Variants in SND1 observed in about 807,000 individuals in gnomAD.
The protein encoded by SND1 is staphylococcal nuclease and tudor domain containing 1.
A neutral mutation model predicts 121.7 loss-of-function variants in SND1; 38 were observed. That is an observed-to-expected ratio of 0.31 (90% confidence interval 0.24 to 0.41). The LOEUF is 0.41. Ranked by LOEUF, SND1 falls within the 10% of genes least tolerant of loss-of-function variation. The pLI, the probability that SND1 is intolerant of heterozygous loss-of-function variation, is 1.00. For synonymous variants in SND1, 401 were observed against 447.4 expected, an observed-to-expected ratio of 0.90 and a Z score of 1.31; for missense variants, 868 against 1,184.6, an observed-to-expected ratio of 0.73 and a Z score of 3.92.
At chr7:127,799,358 C>T (rs1166995705) in intron 10 of SND1, among the ~76,000 whole-genome samples, 4 of 152,222 alleles carry the variant, frequency 2.6e-5, no homozygotes, top group Non-Finnish European at 4.4e-5. Flanking sequence ...AAAGGGGGAT[C>T]ATGATCCTTA....
intron 15 of SND1, among the ~76,000 whole-genome samples, chr7:127,938,140 C>T (rs1801101140): frequency 6.6e-6 from 1 of 152,162 alleles, no homozygotes; most frequent in Admixed American, 6.5e-5. Flanking sequence ...ATGAGACTTT[C>T]CTGGAGCTGC....
intron 10 of SND1, among the ~76,000 whole-genome samples, chr7:127,767,348 G>C (rs1384137213): frequency 6.6e-6 from 1 of 152,144 alleles, no homozygotes; most frequent in Non-Finnish European, 1.5e-5. Flanking sequence ...TGGTCTTCCT[G>C]TTTTGTTTCA....
intron 9 of SND1, among the ~76,000 whole-genome samples, chr7:127,717,105 A>AATTT (rs1796404797): frequency 1.3e-5 from 2 of 152,356 alleles, no homozygotes; most frequent in South Asian, 4.1e-4. Context: ...TTACAGAAAA[A>AATTT]TTAAGCAGGT....
chr7:127,920,664 C>T (rs1800683661), intron 14 of SND1, among the ~76,000 whole-genome samples: 1 of 152,098 alleles, frequency 6.6e-6, no homozygotes, highest in African/African-American at 2.4e-5. Flanking sequence ...TGGCAGCCCT[C>T]ATCACCTGGC....
chr7:127,923,535 C>T (rs538706964), intron 14 of SND1, among the ~76,000 whole-genome samples: 8 of 152,300 alleles, frequency 5.3e-5, no homozygotes, highest in South Asian at 2.1e-4. Context: ...ATCCTCCCCC[C>T]GCAGGGTTCC....
chr7:127,800,884 T>C (rs766162573), intron 10 of SND1, among the ~76,000 whole-genome samples: 1 of 152,248 alleles, frequency 6.6e-6, no homozygotes, highest in African/African-American at 2.4e-5. Flanking sequence ...AATAATATAC[T>C]ATTGTTTGTA....
chr7:127,762,593 G>A (rs949489132), intron 10 of SND1, among the ~76,000 whole-genome samples: 1 of 152,224 alleles, frequency 6.6e-6, no homozygotes, highest in Non-Finnish European at 1.5e-5. Context: ...TTTTGGAGGA[G>A]CATAGTTCAG....
chr7:127,680,942 C>T (rs1795714128), intron 1 of SND1, among the ~76,000 whole-genome samples: 1 of 152,060 alleles, frequency 6.6e-6, no homozygotes, highest in Non-Finnish European at 1.5e-5. Flanking sequence ...TAATAAATGT[C>T]CATGAAATCT....
At chr7:127,787,887 C>G (rs1474106830) in intron 10 of SND1, among the ~76,000 whole-genome samples, 7 of 152,150 alleles carry the variant, frequency 4.6e-5, no homozygotes. Context: ...GAAGAAGTTG[C>G]ATTTATCCAA....
At chr7:127,948,456 T>G (rs973397812) in intron 15 of SND1, among the ~76,000 whole-genome samples, 6 of 152,232 alleles carry the variant, frequency 3.9e-5, no homozygotes, top group Non-Finnish European at 8.8e-5. Flanking sequence ...TGCCCTGACA[T>G]AAATGTAATC....
At chr7:128,006,600 TCTC>T (rs763729209) in intron 16 of SND1, among the ~76,000 whole-genome samples, 8 of 152,182 alleles carry the variant, frequency 5.3e-5, no homozygotes, top group Non-Finnish European at 8.8e-5. Flanking sequence ...AGCTGCTGCT[TCTC>T]CTTTATGTAC....
chr7:128,090,971 G>A (rs184973497), intron 22 of SND1, among the ~76,000 whole-genome samples: 29 of 152,264 alleles, frequency 1.9e-4, no homozygotes, highest in Non-Finnish European at 3.7e-4. Flanking sequence ...CGCAGTCCCT[G>A]AGATAAACAC....
chr7:127,842,644 T>C (rs184782997), intron 11 of SND1, among the ~76,000 whole-genome samples: 1 of 152,294 alleles, frequency 6.6e-6, no homozygotes, highest in East Asian at 1.9e-4. Flanking sequence ...ATCTTTGTAA[T>C]TGTTATCTTG....
At chr7:127,899,017 C>G (rs1432194727) in intron 13 of SND1, among the ~76,000 whole-genome samples, 3 of 152,176 alleles carry the variant, frequency 2.0e-5, no homozygotes, top group Non-Finnish European at 4.4e-5. Flanking sequence ...AATATTTTCA[C>G]TGTTCCGCAT....
At chr7:127,737,077 T>C (rs1265132689) in intron 10 of SND1, among the ~76,000 whole-genome samples, 3 of 152,198 alleles carry the variant, frequency 2.0e-5, no homozygotes, top group Admixed American at 6.5e-5. Context: ...CAATTATATG[T>C]AATTAAAATA....
At chr7:127,812,675 A>G (rs1437460402) in intron 11 of SND1, among the ~76,000 whole-genome samples, 1 of 152,142 alleles carries the variant, frequency 6.6e-6, no homozygotes, top group Non-Finnish European at 1.5e-5. Flanking sequence ...CGGGAGTAAC[A>G]TTGCTTAGCA....
chr7:127,663,334 C>A (rs1257451308), intron 1 of SND1, among the ~76,000 whole-genome samples: 1 of 149,620 alleles, frequency 6.7e-6, no homozygotes, highest in East Asian at 1.9e-4. Flanking sequence ...TATTTTTGAC[C>A]CATGGTTGGT....
chr7:128,040,931 G>A (rs1792844036), intron 16 of SND1, among the ~76,000 whole-genome samples: 1 of 152,190 alleles, frequency 6.6e-6, no homozygotes, highest in Non-Finnish European at 1.5e-5. Flanking sequence ...TTGAGCTATG[G>A]TTAGGATTTT....
intron 16 of SND1, chr7:128,028,552 T>A: frequency 1.1e-6 from 1 of 882,296 alleles, no homozygotes; most frequent in Non-Finnish European, 1.7e-6. Context: ...ATAATCTGTT[T>A]TTTTTAACCA....
Sources: allele counts gnomAD v4.1 joint callset (sites outside exome capture counted in the v4.1 genomes callset), GRCh38; gene constraint gnomAD v4.1.1; transcripts MANE v1.5; gene names NCBI Gene and HGNC (gene_info 2026-07-23, HGNC 2026-07-21).